Variants in RNF217 observed in about 807,000 individuals in gnomAD.
The protein encoded by RNF217 is E3 ubiquitin-protein ligase RNF217.
A neutral mutation model predicts 57.8 loss-of-function variants in RNF217; 31 were observed. The observed-to-expected ratio is 0.54, with a 90% CI of 0.40 to 0.72. RNF217 has a LOEUF of 0.72. Among genes scored for constraint, RNF217 ranks in the 30% least tolerant of loss-of-function variants. The probability of loss-of-function intolerance (pLI) is 0.00; values close to 1 mark genes in which losing one functional copy is unlikely to be tolerated. For missense variants in RNF217, 696 were observed against 708.3 expected, an observed-to-expected ratio of 0.98 and a Z score of 0.20; for synonymous variants, 313 against 294.0, an observed-to-expected ratio of 1.06 and a Z score of -0.66.
At position 125,069,470 on chromosome 6, in the gene RNF217, G is replaced by A. The variant is rs1165428602; in HGVS notation, c.1282-7187G>A. 6.6e-5 allele frequency among the ~76,000 whole-genome samples: 10 copies of A among 152,204 alleles called. 1 individual carries two copies. The South Asian group carries it at 1.7e-3, about 25-fold the overall frequency. ...TGAATTCAGCTGCATTCATATTGCT[G>A]CAAAGGATGTGATTTCATTCTTCTT... On this transcript the variant is annotated intron_variant, in intron 3 of 5. Coordinates refer to ENST00000521654, the MANE Select transcript of RNF217 (RefSeq NM_001286398.3).
At chr6:125,065,131 TA>T (rs1365450758) in intron 3 of RNF217, among the ~76,000 whole-genome samples, 19 of 147,488 alleles carry the variant, frequency 1.3e-4, no homozygotes, top group South Asian at 4.4e-4. Context: ...AAATAAAAGA[TA>T]AAAAAAAAAT....
intron 1 of RNF217, among the ~76,000 whole-genome samples, chr6:124,965,289 A>G (rs1181754588): frequency 1.3e-5 from 2 of 152,092 alleles, no homozygotes; most frequent in East Asian, 3.9e-4. Context: ...AATACACATT[A>G]TTGGCCGGGT....
Position 124,962,586 on chromosome 6 carries a change from C to T in RNF217, c.42C>T (p.Pro14=). The T allele has an allele frequency of 7.8e-7, 1 of 1,281,520 alleles. No individual in the cohort carries two copies. Among genetic ancestry groups the T allele is most frequent in the Non-Finnish European group, 9.8e-7 (1 of 1,019,582 alleles). The allele number at this position is 1,281,520 out of a possible 1,614,324, so 79.4% of individuals were successfully genotyped here. A position where few individuals can be genotyped will look rare whatever the true frequency, so the allele number is the denominator to read the frequency against. The change falls in exon 1 of 6, where the codon CCC becomes CCT. Residue 14 remains proline, a synonymous_variant. Coordinates refer to ENST00000521654, the MANE Select transcript of RNF217 (RefSeq NM_001286398.3). This position sits in a 1 kb window ranked among gnomAD's most constrained non-coding sequence, Gnocchi z 4.6. Reference sequence around the variant, plus strand: ...GCACGGTGAGCGGCGGCGGCGGGCCCCAGGAGTCGCAGACCCTGGCCAGTG... The same window carrying T: ...GCACGGTGAGCGGCGGCGGCGGGCCTCAGGAGTCGCAGACCCTGGCCAGTG... The part of the protein sequence containing the change: ...EQSTVSGGGG[P]QESQTLASGT...
Position 125,087,329 on chromosome 6 carries a change from G to A in RNF217, c.*4392G>A, listed in dbSNP as rs1482395885. On this transcript the variant is annotated 3_prime_UTR_variant, in exon 6 of 6. Coordinates refer to ENST00000521654, the MANE Select transcript of RNF217 (RefSeq NM_001286398.3). ...ACGTTTTTAGATTTTAATTTTATAA[G>A]CAACCTGCACATAAGCCTTAATGTG... 6.6e-6 allele frequency: 1 copy of A among 152,028 alleles called. No homozygotes were observed. The highest frequency in any genetic ancestry group is 1.9e-4 in the East Asian group (1 of 5,186). The allele number at this position is 152,028 out of a possible 1,614,324, so 9.4% of individuals were successfully genotyped here. A position where few individuals can be genotyped will look rare whatever the true frequency, so the allele number is the denominator to read the frequency against.
intron 1 of RNF217, among the ~76,000 whole-genome samples, chr6:124,986,999 T>G (rs1784386654): frequency 6.6e-6 from 1 of 152,224 alleles, no homozygotes; most frequent in East Asian, 1.9e-4. Flanking sequence ...ATATTTCATA[T>G]TTAAAACATC....
chr6:125,063,199 C>T (rs1230353982), intron 3 of RNF217, among the ~76,000 whole-genome samples: 1 of 152,034 alleles, frequency 6.6e-6, no homozygotes, highest in East Asian at 1.9e-4. Flanking sequence ...ATACTAAAGT[C>T]TGAGTTAAGA....
chr6:125,058,685 A>G (rs1451616062), intron 3 of RNF217, among the ~76,000 whole-genome samples: 1 of 152,158 alleles, frequency 6.6e-6, no homozygotes, highest in East Asian at 1.9e-4. Flanking sequence ...CTAGCAGGCA[A>G]TTTGAGCTCA....
At chr6:125,062,757 A>G (rs6932035) in intron 3 of RNF217, among the ~76,000 whole-genome samples, 2,533 of 152,088 alleles carry the variant, frequency 0.017, 55 homozygotes, top group African/African-American at 0.058. Context: ...TTGTATTTTT[A>G]GTAGAGACGA....
At position 125,082,895 on chromosome 6, in the gene RNF217, T is replaced by TA. The variant is rs1413029182; in HGVS notation, c.1593dup (p.Gln532ThrfsTer16). 4 of 1,603,552 alleles carry TA rather than the reference T, an allele frequency of 2.5e-6. No homozygotes were observed. Among genetic ancestry groups the TA allele is most frequent in the African/African-American group, 2.7e-5 (2 of 74,002 alleles). ...TTGTATTTCCTATCTATTGCCTTTG[T>TA]AAAAAACAGAGAAAACGATCACGGA... On this transcript the variant is annotated frameshift_variant, in exon 6 of 6. Coordinates refer to ENST00000521654, the MANE Select transcript of RNF217 (RefSeq NM_001286398.3). LOFTEE classifies it high-confidence loss of function.
At chr6:124,963,978 T>C (rs1783422952) in intron 1 of RNF217, among the ~76,000 whole-genome samples, 1 of 152,202 alleles carries the variant, frequency 6.6e-6, no homozygotes, top group South Asian at 2.1e-4. Context: ...AGTACTTTTC[T>C]TTCACTGAGG....
At chr6:125,008,185 G>T (rs1785265747) in intron 1 of RNF217, among the ~76,000 whole-genome samples, 1 of 152,064 alleles carries the variant, frequency 6.6e-6, no homozygotes, top group African/African-American at 2.4e-5. Context: ...GAACCCAGGG[G>T]GCGGAGCTTG....
chr6:125,032,223 G>T (rs1786391510), intron 1 of RNF217, among the ~76,000 whole-genome samples: 1 of 152,158 alleles, frequency 6.6e-6, no homozygotes, highest in Non-Finnish European at 1.5e-5. Flanking sequence ...CCACTACACA[G>T]TAAAGAGGGT....
chr6:125,059,380 AC>A (rs771210972), intron 3 of RNF217, among the ~76,000 whole-genome samples: 13 of 152,132 alleles, frequency 8.5e-5, no homozygotes, highest in Non-Finnish European at 1.8e-4. Flanking sequence ...TTAAAGAACA[AC>A]TAGAAAATGA....
At position 125,090,986 on chromosome 6, in the gene RNF217, A is replaced by G. The variant is rs1788926140; in HGVS notation, c.*8049A>G. ...AATGTTGATATGCAGAAATCTCTCAAAAGAAATTGCAAAGGAAAAATTACG... is the reference window on the plus strand; with the variant it reads ...AATGTTGATATGCAGAAATCTCTCAGAAGAAATTGCAAAGGAAAAATTACG... On this transcript the variant is annotated 3_prime_UTR_variant, in exon 6 of 6. Transcript: ENST00000521654. 1 of 152,036 alleles carries G rather than the reference A, an allele frequency of 6.6e-6. No individual in the cohort carries two copies. The highest frequency in any genetic ancestry group is 1.5e-5 in the Non-Finnish European group (1 of 67,888). 9.4% of individuals were successfully genotyped at this position (152,036 alleles called of 1,614,324 possible). A position where few individuals can be genotyped will look rare whatever the true frequency, so the allele number is the denominator to read the frequency against.
At chr6:125,032,971 A>AT (rs1428191394) in intron 1 of RNF217, among the ~76,000 whole-genome samples, 1 of 152,192 alleles carries the variant, frequency 6.6e-6, no homozygotes, top group African/African-American at 2.4e-5. Flanking sequence ...CTCTTTCCAA[A>AT]TTACACGTGA....
chr6:124,983,784 A>G (rs909346372), intron 1 of RNF217, among the ~76,000 whole-genome samples: 4 of 152,178 alleles, frequency 2.6e-5, no homozygotes, highest in South Asian at 4.1e-4. Flanking sequence ...AAGATACTTA[A>G]TGGGTTAGTG....
At chr6:125,052,550 A>G (rs571953116) in intron 2 of RNF217, among the ~76,000 whole-genome samples, 10 of 152,188 alleles carry the variant, frequency 6.6e-5, no homozygotes, top group African/African-American at 2.4e-4. Context: ...GCAGTGAAAT[A>G]TCAGGGAGTA....
At chr6:125,051,282 T>C (rs1680356094) in intron 2 of RNF217, among the ~76,000 whole-genome samples, 1 of 151,960 alleles carries the variant, frequency 6.6e-6, no homozygotes, top group South Asian at 2.1e-4. Context: ...CTTTATCCTA[T>C]TGTCATTGGG....
chr6:125,028,265 T>C (rs1198698216), intron 1 of RNF217, among the ~76,000 whole-genome samples: 1 of 152,062 alleles, frequency 6.6e-6, no homozygotes, highest in Non-Finnish European at 1.5e-5. Context: ...AATCTGGGAG[T>C]ATGTACTCCC....
Sources: allele counts gnomAD v4.1 joint callset (sites outside exome capture counted in the v4.1 genomes callset), GRCh38; gene constraint gnomAD v4.1.1; non-coding constraint Gnocchi (gnomAD v3.1); transcripts MANE v1.5; gene names NCBI Gene and HGNC (gene_info 2026-07-23, HGNC 2026-07-21).